TAS1R1: variants seen among roughly 807,000 people sequenced by gnomAD.
TAS1R1 encodes the protein taste 1 receptor member 1.
Under a neutral mutation model 45.8 loss-of-function variants are expected in TAS1R1, and 31 were observed. That is an observed-to-expected ratio of 0.68 (90% CI 0.51 to 0.91). TAS1R1 has a LOEUF of 0.91. Ranked by LOEUF, TAS1R1 falls within the 40% of genes least tolerant of loss-of-function variation. The pLI is 0.00. For synonymous variants in TAS1R1, 437 were observed against 448.4 expected, an observed-to-expected ratio of 0.97 and a Z score of 0.32; for missense variants, 1,051 against 1,063.9, an observed-to-expected ratio of 0.99 and a Z score of 0.17.
At chr1:6,577,099 C>T in intron 5 of TAS1R1, 29 bp downstream of exon 5, 1 of 1,613,866 alleles carries the variant, frequency 6.2e-7, no homozygotes. Flanking sequence ...AGGCGAGCTA[C>T]CCAGCACTCC....
At chr1:6,573,006 C>A (rs1640057437) in intron 2 of TAS1R1, among the ~76,000 whole-genome samples, 1 of 152,196 alleles carries the variant, frequency 6.6e-6, no homozygotes. Flanking sequence ...TCCTTTCTGG[C>A]CTCCTTTTCC....
chr1:6,555,926 C>T (rs899525964), intron 1 of TAS1R1, among the ~76,000 whole-genome samples: 5 of 119,612 alleles, frequency 4.2e-5, no homozygotes, highest in Non-Finnish European at 8.1e-5. Context: ...GGTGGGACTG[C>T]AGTGGCGCGA....
chr1:6,575,770 G>A (rs1459276903), intron 3 of TAS1R1, among the ~76,000 whole-genome samples: 1 of 147,564 alleles, frequency 6.8e-6, no homozygotes, highest in East Asian at 2.0e-4. Context: ...TTGGCTCACT[G>A]TGAGCTCCGC....
At chr1:6,557,955 A>C (rs1639713715) in intron 1 of TAS1R1, among the ~76,000 whole-genome samples, 1 of 152,094 alleles carries the variant, frequency 6.6e-6, no homozygotes, top group African/African-American at 2.4e-5. Flanking sequence ...AGGGGTGATA[A>C]GGCATATAGG....
At chr1:6,558,565 C>CA (rs1639725902) in intron 1 of TAS1R1, among the ~76,000 whole-genome samples, 1 of 152,000 alleles carries the variant, frequency 6.6e-6, no homozygotes, top group Non-Finnish European at 1.5e-5. Flanking sequence ...ACTAAAAATA[C>CA]AAAAATTAGC....
At chr1:6,561,238 T>C (rs555020097) in intron 1 of TAS1R1, among the ~76,000 whole-genome samples, 30 of 151,752 alleles carry the variant, frequency 2.0e-4, no homozygotes, top group African/African-American at 7.3e-4. Context: ...GGGCCAGGAG[T>C]CTGAAAGGCG....
chr1:6,578,035 C>T (rs1640231289), intron 5 of TAS1R1, among the ~76,000 whole-genome samples: 1 of 152,172 alleles, frequency 6.6e-6, no homozygotes, highest in Non-Finnish European at 1.5e-5. Flanking sequence ...CAGCTAGCTC[C>T]TTGAACAGCT....
At chr1:6,558,534 A>G (rs1238670198) in intron 1 of TAS1R1, among the ~76,000 whole-genome samples, 1 of 152,022 alleles carries the variant, frequency 6.6e-6, no homozygotes, top group East Asian at 1.9e-4. Flanking sequence ...AGCCTGGCCA[A>G]CATGGTGAAA....
intron 3 of TAS1R1, 60 bp downstream of exon 3, chr1:6,575,452 G>C: frequency 6.7e-7 from 1 of 1,486,602 alleles, no homozygotes; most frequent in Non-Finnish European, 8.9e-7. Flanking sequence ...GAGATGAGCA[G>C]AGTGGGCACT....
chr1:6,572,945 C>T (rs1640055549), intron 2 of TAS1R1, among the ~76,000 whole-genome samples: 1 of 152,114 alleles, frequency 6.6e-6, no homozygotes, highest in South Asian at 2.1e-4. Context: ...TGGCCATCAC[C>T]CTGGAGTCCT....
chr1:6,579,679 G>C lies in TAS1R1; in HGVS notation c.*95G>C. Reference sequence around the variant, plus strand: ...TGTCCGGGAGGTCTTTGGGCATCGCGGTCTGGGGTTGGGACGTGTAAGCGC... The same window carrying C: ...TGTCCGGGAGGTCTTTGGGCATCGCCGTCTGGGGTTGGGACGTGTAAGCGC... On this transcript the variant is annotated 3_prime_UTR_variant, in exon 6 of 6. Transcript: ENST00000333172. 1 of 1,485,758 alleles carries C rather than the reference G, an allele frequency of 6.7e-7. No individual in the cohort carries two copies. Among genetic ancestry groups the C allele is most frequent in the East Asian group, 2.3e-5 (1 of 43,000 alleles). 92.0% of individuals were successfully genotyped at this position (1,485,758 alleles called of 1,614,324 possible).
chr1:6,559,589 G>T (rs972953805), intron 1 of TAS1R1, among the ~76,000 whole-genome samples: 4 of 151,604 alleles, frequency 2.6e-5, no homozygotes, highest in African/African-American at 9.7e-5. Context: ...AACCTTGGAG[G>T]TGGAGGTTGC....
intron 5 of TAS1R1, 143 bp downstream of exon 5, chr1:6,577,213 C>A: frequency 8.1e-7 from 1 of 1,235,900 alleles, no homozygotes; most frequent in Non-Finnish European, 1.1e-6. Flanking sequence ...GGTTGGAGGA[C>A]ACCTGCTACC....
intron 1 of TAS1R1, among the ~76,000 whole-genome samples, chr1:6,564,515 G>A (rs117192896): frequency 0.012 from 1,826 of 152,226 alleles, 25 homozygotes; most frequent in Middle Eastern, 0.065. Context: ...GCAGAAGGGA[G>A]GTCCAGGGTT....
Position 6,579,460 on chromosome 1 carries a change from G to A in TAS1R1, c.2402G>A (p.Ser801Asn). The change falls in exon 6 of 6, where the codon AGC (serine) becomes AAC (asparagine). Residue 801 changes from serine to asparagine, a missense_variant. Ser to Asn is a conservative substitution (Grantham distance 46). Transcript: ENST00000333172. The part of the protein sequence containing the change: ...ANMMAGLSSL[S>N]SGFGGYFLPK... ...ATGATGGCTGGGCTGAGCAGCCTGA[G>A]CAGCGGCTTCGGTGGGTATTTTCTG... 6.2e-7 allele frequency: 1 copy of A among 1,614,100 alleles called. No homozygotes were observed.
chr1:6,561,058 A>T (rs1433606406), intron 1 of TAS1R1, among the ~76,000 whole-genome samples: 1 of 151,276 alleles, frequency 6.6e-6, no homozygotes, highest in Non-Finnish European at 1.5e-5. Context: ...TTGTTCTTGA[A>T]GTAGCATCAT....
In TAS1R1 at chr1:6,570,969, G is replaced by C. The variant is rs1216597391; in HGVS notation, c.252G>C (p.Glu84Asp). 1.2e-6 allele frequency: 2 copies of C among 1,612,382 alleles called. No homozygotes were observed. Among genetic ancestry groups the C allele is most frequent in the South Asian group, 1.1e-5 (1 of 91,024 alleles). ...HLFQAMRLGV[E>D]EINNSTALLP... Reference sequence around the variant, plus strand: ...TCCAGGCTATGCGGCTTGGGGTTGAGGAGATAAACAACTCCACGGCCCTGC... The same window carrying C: ...TCCAGGCTATGCGGCTTGGGGTTGACGAGATAAACAACTCCACGGCCCTGC... The change falls in exon 2 of 6, where the codon GAG becomes GAC. Residue 84 changes from glutamate (E) to aspartate (D), a missense_variant. Coordinates refer to ENST00000333172, the MANE Select transcript of TAS1R1 (RefSeq NM_138697.4).
At chr1:6,567,930 T>G (rs977032134) in intron 1 of TAS1R1, among the ~76,000 whole-genome samples, 7 of 152,162 alleles carry the variant, frequency 4.6e-5, no homozygotes, top group Admixed American at 2.0e-4. Flanking sequence ...TCGGGTCTTT[T>G]GTGCCCTTGT....
intron 1 of TAS1R1, among the ~76,000 whole-genome samples, chr1:6,567,563 G>GAAA (rs34650839): frequency 3.6e-4 from 50 of 140,466 alleles, no homozygotes; most frequent in Admixed American, 1.5e-3. Context: ...CCGTCTCAAA[G>GAAA]AAAAAAAAAA....
Sources: gnomAD v4.1 joint callset for allele counts (sites outside exome capture counted in the v4.1 genomes callset) on GRCh38, gnomAD v4.1.1 for gene constraint, MANE v1.5 for transcripts, NCBI Gene and HGNC (gene_info 2026-07-23, HGNC 2026-07-21) for gene names.